The following SPMIP6 variants were observed in gnomAD, a reference collection of about 807,000 sequenced individuals.
The protein encoded by SPMIP6 is sperm microtubule inner protein 6, also known as ciliated bronchial epithelial protein 1.
At chr9:34,388,203 C>A in the SPMIP6 span, among the ~76,000 whole-genome samples, 2 of 150,086 alleles carry the variant, frequency 1.3e-5, no homozygotes, top group South Asian at 4.2e-4. Flanking sequence ...TGCAATGGCA[C>A]AATCTTGGCT....
chr9:34,392,806 T>C, the SPMIP6 span, among the ~76,000 whole-genome samples: 1 of 152,160 alleles, frequency 6.6e-6, no homozygotes, highest in African/African-American at 2.4e-5. The surrounding 1 kb of genome is among the most constrained non-coding windows in gnomAD (Gnocchi z 4.6). Context: ...ACAATGATGA[T>C]ATGGATGGCC....
the SPMIP6 span, among the ~76,000 whole-genome samples, chr9:34,394,742 C>T: frequency 6.6e-6 from 1 of 152,136 alleles, no homozygotes; most frequent in African/African-American, 2.4e-5. Context: ...ATTCCTCTAT[C>T]TTTCAGCTAG....
chr9:34,397,380 A>T, the SPMIP6 span: 1 of 1,117,706 alleles, frequency 8.9e-7, no homozygotes. Context: ...TTCTGTGCCT[A>T]GGTAAATGAA....
the SPMIP6 span, chr9:34,385,707 GTCCTGTACAGCACATTT>G: frequency 6.2e-7 from 1 of 1,613,904 alleles, no homozygotes. Context: ...TATAAGTGTA[GTCCTGTACAGCACATTT>G]GGCCATCTTC....
At chr9:34,397,157 C>T in the SPMIP6 span, among the ~76,000 whole-genome samples, 1 of 152,204 alleles carries the variant, frequency 6.6e-6, no homozygotes. Flanking sequence ...TTTCCAGTCT[C>T]AGTTTATTGT....
chr9:34,383,394 T>TGCAG, the SPMIP6 span, among the ~76,000 whole-genome samples: 1 of 152,170 alleles, frequency 6.6e-6, no homozygotes, highest in African/African-American at 2.4e-5. Flanking sequence ...ATGGTTGGTG[T>TGCAG]GCGCCTGTAA....
chr9:34,392,815 C>T, the SPMIP6 span, among the ~76,000 whole-genome samples: 1 of 152,146 alleles, frequency 6.6e-6, no homozygotes, highest in South Asian at 2.1e-4. This position sits in a 1 kb window ranked among gnomAD's most constrained non-coding sequence, Gnocchi z 4.6. Flanking sequence ...ATATGGATGG[C>T]CTTCAGGACA....
the SPMIP6 span, chr9:34,382,772 G>A: frequency 6.2e-7 from 1 of 1,613,850 alleles, no homozygotes; most frequent in East Asian, 2.2e-5. Context: ...GCCGAGGAAG[G>A]TAGGTGGTAT....
At chr9:34,381,284 C>G in the SPMIP6 span, 1 of 1,601,350 alleles carries the variant, frequency 6.2e-7, no homozygotes. This position sits in a 1 kb window ranked among gnomAD's most constrained non-coding sequence, Gnocchi z 4.4. Context: ...TCCTCCCCGT[C>G]CTTCAGGTAC....
chr9:34,394,893 T>A, the SPMIP6 span, among the ~76,000 whole-genome samples: 12 of 152,134 alleles, frequency 7.9e-5, no homozygotes, highest in African/African-American at 2.9e-4. Flanking sequence ...GAACTTAAGT[T>A]GTTTTGAAGC....
the SPMIP6 span, among the ~76,000 whole-genome samples, chr9:34,395,009 A>G: frequency 3.4e-5 from 5 of 148,088 alleles, no homozygotes; most frequent in Non-Finnish European, 7.4e-5. Context: ...TCTGTCATCC[A>G]GGCTGGAGTA....
chr9:34,379,772 C>T, the SPMIP6 span: 1 of 1,513,420 alleles, frequency 6.6e-7, no homozygotes, highest in Non-Finnish European at 9.2e-7. The surrounding 1 kb of genome is among the most constrained non-coding windows in gnomAD (Gnocchi z 4.2). Flanking sequence ...GGGGTTGGGC[C>T]TTTTGACTCT....
At chr9:34,380,792 G>A in the SPMIP6 span, 25 of 1,541,582 alleles carry the variant, frequency 1.6e-5, no homozygotes, top group Non-Finnish European at 2.2e-5. Flanking sequence ...GGCTAGAGCA[G>A]GCTGGGGGCC....
chr9:34,387,512 A>C, the SPMIP6 span, among the ~76,000 whole-genome samples: 1 of 151,892 alleles, frequency 6.6e-6, no homozygotes, highest in Non-Finnish European at 1.5e-5. Flanking sequence ...CGAGCTTTAC[A>C]CACACACACA....
the SPMIP6 span, chr9:34,390,060 G>A: frequency 2.0e-5 from 3 of 151,614 alleles, no homozygotes; most frequent in Non-Finnish European, 4.4e-5. Context: ...CCAATTTGTA[G>A]ATTCTATATA....
chr9:34,395,476 T>C, the SPMIP6 span, among the ~76,000 whole-genome samples: 1 of 152,216 alleles, frequency 6.6e-6, no homozygotes, highest in Non-Finnish European at 1.5e-5. Flanking sequence ...TCTTCTTTTA[T>C]GGCTTTTTTT....
At chr9:34,380,697 T>A in the SPMIP6 span, 1 of 1,547,822 alleles carries the variant, frequency 6.5e-7, no homozygotes, top group South Asian at 1.2e-5. Flanking sequence ...GTAACCTTCG[T>A]GCTGGTTCTC....
the SPMIP6 span, among the ~76,000 whole-genome samples, chr9:34,382,060 G>A: frequency 1.6e-3 from 246 of 152,296 alleles, 1 homozygote; most frequent in Non-Finnish European, 2.9e-3. Context: ...GTGGAGCAGG[G>A]AGATTCATTG....
chr9:34,379,526 A>G, the SPMIP6 span: 3 of 879,590 alleles, frequency 3.4e-6, no homozygotes, highest in Non-Finnish European at 5.7e-6. This position sits in a 1 kb window ranked among gnomAD's most constrained non-coding sequence, Gnocchi z 4.2. Context: ...CCCTCGTGGT[A>G]TGTGCCTGTC....
Sources: gnomAD v4.1 joint callset for allele counts (sites outside exome capture counted in the v4.1 genomes callset) on GRCh38, gnomAD v4.1.1 for gene constraint, Gnocchi (gnomAD v3.1) non-coding constraint, MANE v1.5 for transcripts, NCBI Gene and HGNC (gene_info 2026-07-23, HGNC 2026-07-21) for gene names.